MALL: variants seen among roughly 807,000 people sequenced by gnomAD.
The protein encoded by MALL is MAL-like protein.
In MALL, 2 loss-of-function variants were observed where a neutral mutation model predicts 10.3. The ratio of observed to expected loss-of-function variants is 0.19; its 90% confidence interval spans 0.08 to 0.61. The LOEUF is 0.61. Ranked by LOEUF, MALL falls within the 20% of genes least tolerant of loss-of-function variation. The pLI is 0.88. For synonymous variants in MALL, 27 were observed against 51.8 expected (o/e 0.52, Z 2.05); for missense variants, 39 against 115.2 (o/e 0.34, Z 3.03).
At chr2:110,098,753 C>A (rs1678498792) in intron 1 of MALL, among the ~76,000 whole-genome samples, 1 of 152,094 alleles carries the variant, frequency 6.6e-6, no homozygotes, top group African/African-American at 2.4e-5. Context: ...ACCTGTAATC[C>A]CAGCACTTTG....
chr2:110,095,238 G>A (rs1678416544), intron 1 of MALL, among the ~76,000 whole-genome samples: 1 of 152,112 alleles, frequency 6.6e-6, no homozygotes, highest in Non-Finnish European at 1.5e-5. Flanking sequence ...TTTCCTGGTG[G>A]CCTAAACTGC....
intron 1 of MALL, among the ~76,000 whole-genome samples, chr2:110,102,042 T>C (rs1678574224): frequency 6.6e-6 from 1 of 152,080 alleles, no homozygotes. Context: ...CCCTGTACAT[T>C]GATTAACTTC....
At chr2:110,115,640 T>G (rs1678900598) in intron 1 of MALL, 48 bp downstream of exon 1, 1 of 1,089,064 alleles carries the variant, frequency 9.2e-7, no homozygotes, top group Non-Finnish European at 1.2e-6. Flanking sequence ...GAGGCCGGTC[T>G]CCCCCTCCCT....
chr2:110,106,273 T>G (rs1359816270), intron 1 of MALL, among the ~76,000 whole-genome samples: 1 of 152,088 alleles, frequency 6.6e-6, no homozygotes, highest in African/African-American at 2.4e-5. Flanking sequence ...CTTCGGCTTA[T>G]AAAATTCAGC....
At chr2:110,115,541 C>CCG (rs200503139) in intron 1 of MALL, 147 bp downstream of exon 1, 36 of 402,722 alleles carry the variant, frequency 8.9e-5, no homozygotes, top group South Asian at 5.1e-4. Context: ...GGTCTCCCCC[C>CCG]CCCTCTCTGC....
intron 1 of MALL, among the ~76,000 whole-genome samples, chr2:110,095,351 C>T (rs1678418760): frequency 2.6e-5 from 4 of 152,062 alleles, no homozygotes; most frequent in African/African-American, 7.2e-5. Flanking sequence ...TTACAGCGAG[C>T]CATTTAGAGC....
intron 1 of MALL, among the ~76,000 whole-genome samples, chr2:110,108,472 A>G (rs888801458): frequency 6.6e-6 from 1 of 151,428 alleles, no homozygotes; most frequent in African/African-American, 2.4e-5. Context: ...TGAATTATTA[A>G]CCCAATCCAA....
At chr2:110,096,811 C>T (rs1262002361) in intron 1 of MALL, among the ~76,000 whole-genome samples, 1 of 151,706 alleles carries the variant, frequency 6.6e-6, no homozygotes, top group East Asian at 1.9e-4. Context: ...AGTTGAAGTC[C>T]ATTGCCACCT....
chr2:110,115,874 T>G, upstream of MALL: 1 of 488,536 alleles, frequency 2.0e-6, no homozygotes, highest in Non-Finnish European at 3.2e-6. Context: ...GACACACCCA[T>G]CGGACGTCGC....
At chr2:110,098,702 C>T (rs1363153847) in intron 1 of MALL, among the ~76,000 whole-genome samples, 1 of 152,120 alleles carries the variant, frequency 6.6e-6, no homozygotes, top group Non-Finnish European at 1.5e-5. Flanking sequence ...CTTTGATGCA[C>T]ACTCCTGAAA....
At chr2:110,095,183 T>C (rs1421876429) in intron 1 of MALL, among the ~76,000 whole-genome samples, 1 of 152,176 alleles carries the variant, frequency 6.6e-6, no homozygotes, top group Non-Finnish European at 1.5e-5. Flanking sequence ...AAACTTTGAG[T>C]ATTTGTTTTT....
intron 1 of MALL, among the ~76,000 whole-genome samples, chr2:110,106,017 C>T (rs572509269): frequency 9.2e-5 from 14 of 152,292 alleles, no homozygotes; most frequent in African/African-American, 2.9e-4. Flanking sequence ...GAGGATTTAT[C>T]TCTGACTAAT....
intron 1 of MALL, among the ~76,000 whole-genome samples, chr2:110,097,090 C>T (rs111959454): frequency 4.1e-5 from 1 of 24,108 alleles, no homozygotes; most frequent in South Asian, 2.3e-3. Context: ...AAAAACAAAA[C>T]AAAACAAAAA....
intron 1 of MALL, among the ~76,000 whole-genome samples, chr2:110,099,299 T>G (rs1219802615): frequency 6.6e-6 from 1 of 152,140 alleles, no homozygotes; most frequent in Non-Finnish European, 1.5e-5. Flanking sequence ...GCCTGGCAAC[T>G]CAAGTTTTTA....
chr2:110,101,426 C>G (rs1162347801), intron 1 of MALL, among the ~76,000 whole-genome samples: 2 of 152,176 alleles, frequency 1.3e-5, no homozygotes, highest in Non-Finnish European at 2.9e-5. Context: ...CAGCCCAGGC[C>G]CCTAAGGCCT....
intron 1 of MALL, among the ~76,000 whole-genome samples, chr2:110,101,798 C>T (rs760469955): frequency 3.9e-5 from 6 of 152,132 alleles, no homozygotes; most frequent in Non-Finnish European, 7.4e-5. Context: ...ACATTCTTTT[C>T]CATCCAAAGT....
upstream of MALL, chr2:110,115,882 C>G: frequency 2.2e-6 from 1 of 459,224 alleles, no homozygotes. Context: ...CATCGGACGT[C>G]GCCTGGGAGG....
intron 1 of MALL, among the ~76,000 whole-genome samples, chr2:110,114,762 CT>C (rs1165340704): frequency 6.6e-6 from 1 of 151,690 alleles, no homozygotes; most frequent in Non-Finnish European, 1.5e-5. Flanking sequence ...CTTTTCCCCC[CT>C]GCTCAGGGAC....
At chr2:110,116,593 T>G (rs773440346), upstream of MALL, 1 of 152,520 alleles carries the variant, frequency 6.6e-6, no homozygotes, top group Non-Finnish European at 1.5e-5. Context: ...TCCCTGGCCT[T>G]CCTTCCAGCC....
Sources: allele counts gnomAD v4.1 joint callset (sites outside exome capture counted in the v4.1 genomes callset), GRCh38; gene constraint gnomAD v4.1.1; transcripts MANE v1.5; gene names NCBI Gene and HGNC (gene_info 2026-07-23, HGNC 2026-07-21).